Variants in IPCEF1 observed in about 807,000 individuals in gnomAD.
The protein encoded by IPCEF1 is interaction protein for cytohesin exchange factors 1, also known as interactor protein for cytohesin exchange factors 1.
In IPCEF1, 31 loss-of-function variants were observed where a neutral mutation model predicts 50.9. The observed-to-expected ratio is 0.61, with a 90% CI of 0.46 to 0.82. The LOEUF is 0.82. IPCEF1 is among the 40% of genes least tolerant of loss of function. IPCEF1 has a pLI of 0.00. For missense variants in IPCEF1, 458 were observed against 514.0 expected (o/e 0.89, Z 1.05); for synonymous variants, 181 against 192.0 (o/e 0.94, Z 0.47).
At chr6:154,339,522 G>A (rs372807696) in intron 1 of IPCEF1, among the ~76,000 whole-genome samples, 119 of 150,694 alleles carry the variant, frequency 7.9e-4, no homozygotes, top group African/African-American at 2.9e-3. Flanking sequence ...CATTGCTCCC[G>A]TCCAAAGTGG....
Position 154,233,499 on chromosome 6 carries a change from T to C in IPCEF1, c.247-10256A>G, listed in dbSNP as rs146744117. On this transcript the variant is annotated intron_variant, in intron 5 of 11. Transcript: ENST00000367220. Reference sequence around the variant, plus strand: ...TTTAGATCCAGAGAGACTTTTTTCTTACAAACACCTAGAAATAGATATTCT... The same window carrying C: ...TTTAGATCCAGAGAGACTTTTTTCTCACAAACACCTAGAAATAGATATTCT... Among the ~76,000 whole-genome samples, 439 of 152,282 alleles carry C rather than the reference T, an allele frequency of 2.9e-3. 5 individuals carry two copies. The highest frequency in any genetic ancestry group is 9.7e-3 in the African/African-American group (402 of 41,558).
chr6:154,229,346 G>GTTTTTTTTTTTTTTTTTTTT (rs34462600), intron 5 of IPCEF1, among the ~76,000 whole-genome samples: 1 of 112,680 alleles, frequency 8.9e-6, no homozygotes, highest in African/African-American at 3.4e-5. Flanking sequence ...AAGTTTGCCG[G>GTTTTTTTTTTTTTTTTTTTT]TTTTTTTTTT....
At chr6:154,308,218 G>A (rs1044472658) in intron 1 of IPCEF1, among the ~76,000 whole-genome samples, 3 of 152,166 alleles carry the variant, frequency 2.0e-5, no homozygotes, top group African/African-American at 4.8e-5. Context: ...AGGCTCAAGC[G>A]ATCCTCAAAC....
chr6:154,246,462 A>G (rs1781054158), intron 5 of IPCEF1, 129 bp downstream of exon 5: 1 of 1,113,414 alleles, frequency 9.0e-7, no homozygotes, highest in Admixed American at 2.4e-5. Flanking sequence ...GGCTTCTATA[A>G]CTTATTTGTT....
intron 9 of IPCEF1, among the ~76,000 whole-genome samples, chr6:154,203,176 G>A (rs1435098754): frequency 2.6e-5 from 4 of 152,240 alleles, no homozygotes; most frequent in Middle Eastern, 3.4e-3. Context: ...GCTCCCCACT[G>A]AAGATCAAAT....
rs1782733890 is a variant in IPCEF1, at chr6:154,299,143, G to A, written c.-61-9387C>T. 1.4e-5 allele frequency among the ~76,000 whole-genome samples: 2 copies of A among 140,604 alleles called. 1 individual carries two copies. The highest frequency in any genetic ancestry group is 5.1e-5 in the African/African-American group (2 of 39,334). 92.2% of individuals were successfully genotyped at this position (140,604 alleles called of 152,430 possible). On this transcript the variant is annotated intron_variant, in intron 1 of 11. Transcript: ENST00000367220. Reference sequence around the variant, plus strand: ...TTCATGCCTTAAAATCCTGTTGTCAGTGGTTAGCATCCTAAAGCCCCTCTC... The same window carrying A: ...TTCATGCCTTAAAATCCTGTTGTCAATGGTTAGCATCCTAAAGCCCCTCTC...
At chr6:154,198,631 T>TACACACACAC (rs3070838) in intron 10 of IPCEF1, among the ~76,000 whole-genome samples, 10,074 of 146,720 alleles carry the variant, frequency 0.069, 379 homozygotes, top group African/African-American at 0.084. Flanking sequence ...AAATATTACA[T>TACACACACAC]ACACACACAC....
At position 154,243,472 on chromosome 6, in the gene IPCEF1, G is replaced by C. The variant is rs75185719; in HGVS notation, c.246+3119C>G. Among the ~76,000 whole-genome samples the C allele has an allele frequency of 2.7e-3, 409 of 152,286 alleles. 1 individual carries two copies. The highest frequency in any genetic ancestry group is 4.9e-3 in the Non-Finnish European group (331 of 68,024). On this transcript the variant is annotated intron_variant, in intron 5 of 11. Transcript: ENST00000367220. The stretch of plus-strand genomic sequence containing the variant: ...CAACGTGTGGTGAAAGAAAAAGGTA[G>C]ACTATGCATTGGGTAACTGGGTAGC...
chr6:154,229,251 T>A (rs182502174), intron 5 of IPCEF1, among the ~76,000 whole-genome samples: 36 of 152,200 alleles, frequency 2.4e-4, no homozygotes, highest in African/African-American at 8.7e-4. Flanking sequence ...AATAAATAAA[T>A]ACATTTTTTG....
intron 1 of IPCEF1, among the ~76,000 whole-genome samples, chr6:154,295,449 C>T (rs1782622257): frequency 7.1e-6 from 1 of 141,238 alleles, no homozygotes; most frequent in Non-Finnish European, 1.5e-5. Flanking sequence ...TCTGGACACC[C>T]CCATCTCACC....
chr6:154,291,876 G>A (rs1030921856), intron 1 of IPCEF1, among the ~76,000 whole-genome samples: 1 of 151,810 alleles, frequency 6.6e-6, no homozygotes, highest in Non-Finnish European at 1.5e-5. Flanking sequence ...GTAGAGACGG[G>A]GTTTCACCGT....
intron 1 of IPCEF1, among the ~76,000 whole-genome samples, chr6:154,311,408 T>A (rs13215947): frequency 0.11 from 16,586 of 152,200 alleles, 1,325 homozygotes; most frequent in African/African-American, 0.22. Flanking sequence ...TTCTTTTTAC[T>A]TTCTCTTACT....
intron 10 of IPCEF1, among the ~76,000 whole-genome samples, chr6:154,192,344 G>GTGTGTGTT (rs1801974037): frequency 4.0e-5 from 6 of 150,834 alleles, no homozygotes; most frequent in Admixed American, 1.3e-4. Context: ...GTGTGTGTGT[G>GTGTGTGTT]TGTGTGTGTA....
chr6:154,176,364 G>A (rs1554288791), intron 10 of IPCEF1, among the ~76,000 whole-genome samples: 1 of 152,182 alleles, frequency 6.6e-6, no homozygotes, highest in Non-Finnish European at 1.5e-5. Flanking sequence ...ATTCAATTAG[G>A]AAAAGAGGAG....
chr6:154,233,182 T>C (rs1172624741), intron 5 of IPCEF1, among the ~76,000 whole-genome samples: 1 of 152,196 alleles, frequency 6.6e-6, no homozygotes, highest in Non-Finnish European at 1.5e-5. Flanking sequence ...TTGGCCAGAC[T>C]GGTCTCAAAC....
chr6:154,181,966 T>G (rs1005202934), intron 10 of IPCEF1, among the ~76,000 whole-genome samples: 5 of 152,178 alleles, frequency 3.3e-5, no homozygotes, highest in African/African-American at 1.2e-4. Context: ...AACACTCTAG[T>G]TGGGAAAGGT....
chr6:154,216,663 T>C (rs928543199), intron 7 of IPCEF1, among the ~76,000 whole-genome samples: 18 of 151,770 alleles, frequency 1.2e-4, no homozygotes, highest in African/African-American at 4.1e-4. Context: ...AGGTCAGGAG[T>C]TGGAGACCAG....
intron 1 of IPCEF1, among the ~76,000 whole-genome samples, chr6:154,333,641 T>G (rs1783723517): frequency 6.6e-6 from 1 of 151,544 alleles, no homozygotes; most frequent in South Asian, 2.1e-4. Flanking sequence ...TGTATACAAG[T>G]ATACATGTAT....
At chr6:154,239,481 G>T (rs966872553) in intron 5 of IPCEF1, among the ~76,000 whole-genome samples, 5 of 152,136 alleles carry the variant, frequency 3.3e-5, no homozygotes, top group African/African-American at 1.2e-4. Flanking sequence ...CTAACATTTA[G>T]GTTTCCAAAT....
Sources: gnomAD v4.1 joint callset for allele counts (sites outside exome capture counted in the v4.1 genomes callset) on GRCh38, gnomAD v4.1.1 for gene constraint, MANE v1.5 for transcripts, NCBI Gene and HGNC (gene_info 2026-07-23, HGNC 2026-07-21) for gene names.